COL6A3: variants seen among roughly 807,000 people sequenced by gnomAD.
COL6A3 encodes collagen type VI alpha 3 chain.
COL6A3 carries 137 observed loss-of-function variants against 274.1 expected under a neutral mutation model. The ratio of observed to expected loss-of-function variants is 0.50; its 90% CI spans 0.44 to 0.58. The LOEUF (loss-of-function observed/expected upper bound fraction) is 0.58, where lower values mean the gene tolerates loss of function less well. Among genes scored for constraint, COL6A3 ranks in the 20% least tolerant of loss-of-function variants. COL6A3 has a pLI of 0.00. For missense variants in COL6A3, 3,950 were observed against 4,124.9 expected (o/e 0.96, Z 1.16); for synonymous variants, 1,650 against 1,650.6 (o/e 1.00, Z 0.01).
In COL6A3 at chr2:237,357,363, C is replaced by T; in HGVS notation, c.6566G>A (p.Gly2189Glu). ...ATTCTTCCCAGTTTCTCCAGGTCCT[C>T]CAGGTACTCCATCTCTCCCTGGGAC... The part of the protein sequence containing the change: ...MGVPGRDGVP[G>E]GPGETGKNGG... Residue 2189 changes from glycine (G) to glutamate (E), a missense_variant, in exon 23 of 44, where the codon GGA becomes GAA. Gly to Glu is a moderately conservative substitution (Grantham distance 98). This residue lies in a region of COL6A3 where 1,284 missense variants were observed against 1,349.7 expected (regional missense o/e 0.95). Transcript: ENST00000295550. 1 of 1,614,028 alleles carries T rather than the reference C, an allele frequency of 6.2e-7. No individual in the cohort carries two copies. The highest frequency in any genetic ancestry group is 1.3e-5 in the African/African-American group (1 of 75,056).
chr2:237,352,263 T>G (rs776811689), intron 26 of COL6A3, among the ~76,000 whole-genome samples: 14 of 152,178 alleles, frequency 9.2e-5, no homozygotes, highest in African/African-American at 2.4e-5. Context: ...ATCCCCTGAT[T>G]TCCACCCAGG....
At position 237,372,097 on chromosome 2, in the gene COL6A3, C is replaced by A; in HGVS notation, c.3920G>T (p.Gly1307Val). 6.2e-7 allele frequency: 1 copy of A among 1,614,084 alleles called. No homozygotes were observed. Among genetic ancestry groups the A allele is most frequent in the Non-Finnish European group, 8.5e-7 (1 of 1,180,042 alleles). The change falls in exon 9 of 44, where the codon GGG (glycine) becomes GTG (valine). Residue 1307 changes from glycine to valine, a missense_variant. Physicochemically the swap from Gly to Val is moderately radical, Grantham distance 109 (BLOSUM62 -3). This residue lies in a region of COL6A3 where 1,934 missense variants were observed against 1,984.3 expected (regional missense o/e 0.97). Coordinates refer to ENST00000295550, the MANE Select transcript of COL6A3 (RefSeq NM_004369.4). ...NAVQRLRPKG[G>V]RQINVGNALE... ...GGCATTGCCCACGTTGATCTGCCGC[C>A]CTCCCTTGGGCCTCAGCCGCTGCAC...
chr2:237,369,077 A>G lies in COL6A3; in HGVS notation c.4386T>C (p.Ile1462=). The change falls in exon 10 of 44, where the codon ATT becomes ATC. Residue 1462 remains isoleucine, a synonymous_variant. Coordinates refer to ENST00000295550, the MANE Select transcript of COL6A3 (RefSeq NM_004369.4). ...TGGGGCCGATGTTGAGTCTTCGAAC[A>G]ATCCTGCTAACAAAATCTCGAATAT... ...FAHIRDFVSR[I]VRRLNIGPSK... 1.9e-6 allele frequency: 3 copies of G among 1,614,234 alleles called. No individual in the cohort carries two copies. The highest frequency in any genetic ancestry group is 2.5e-6 in the Non-Finnish European group (3 of 1,180,040).
intron 42 of COL6A3, among the ~76,000 whole-genome samples, chr2:237,332,117 A>ATATATATATATATATATATATGTGTGTG (rs35490728): frequency 1.6e-5 from 1 of 64,168 alleles, no homozygotes; most frequent in African/African-American, 4.8e-5. Flanking sequence ...ATATATATAT[A>ATATATATATATATATATATATGTGTGTG]TGAAAAGAAA....
intron 38 of COL6A3, among the ~76,000 whole-genome samples, chr2:237,340,138 G>A (rs2076953130): frequency 6.6e-6 from 1 of 152,288 alleles, no homozygotes; most frequent in Admixed American, 6.5e-5. Context: ...CGTAATAAAT[G>A]TGCATTTGAT....
intron 3 of COL6A3, among the ~76,000 whole-genome samples, chr2:237,390,291 C>T (rs1467191483): frequency 6.6e-6 from 1 of 152,224 alleles, no homozygotes; most frequent in African/African-American, 2.4e-5. Flanking sequence ...CTTGAACATT[C>T]TCTTGTAAAA....
At position 237,361,617 on chromosome 2, in the gene COL6A3, G is replaced by T. The variant is rs1659983313; in HGVS notation, c.6156+122C>A. ...CTCAGAGCTCCTCCTTCTAACATAAGAAATGGTCTCTCGTCTCCTCCTTCA... is the reference window on the plus strand; with the variant it reads ...CTCAGAGCTCCTCCTTCTAACATAATAAATGGTCTCTCGTCTCCTCCTTCA... On this transcript the variant is annotated intron_variant, in intron 15 of 43. Transcript: ENST00000295550. The surrounding 1 kb of genome is among the most constrained non-coding windows in gnomAD (Gnocchi z 5.1). 2.1e-6 allele frequency: 2 copies of T among 956,406 alleles called. No individual in the cohort carries two copies. Among genetic ancestry groups the T allele is most frequent in the African/African-American group, 1.6e-5 (1 of 62,274 alleles). 59.2% of individuals were successfully genotyped at this position (956,406 alleles called of 1,614,324 possible).
chr2:237,377,531 C>A (rs1476011017), intron 6 of COL6A3, among the ~76,000 whole-genome samples, 187 bp from the exon 7 acceptor site: 2 of 152,128 alleles, frequency 1.3e-5, no homozygotes, highest in Non-Finnish European at 2.9e-5. Context: ...CAAATCAGTG[C>A]ATATTTGCAA....
At chr2:237,342,457 A>C (rs2077007393) in intron 36 of COL6A3, 1 of 397,726 alleles carries the variant, frequency 2.5e-6, no homozygotes, top group Admixed American at 3.7e-5. Context: ...TGGAGGGTTA[A>C]ATTAGATAAT....
intron 4 of COL6A3, chr2:237,386,557 G>A (rs1304970535): frequency 2.0e-5 from 3 of 152,178 alleles, no homozygotes; most frequent in Non-Finnish European, 4.4e-5. Context: ...ATGATAATCA[G>A]AGTCTTATAG....
In COL6A3 at chr2:237,377,265, G is replaced by A. The variant is rs755860601; in HGVS notation, c.2577C>T (p.Leu859=). The A allele has an allele frequency of 1.2e-6, 2 of 1,608,668 alleles. No individual in the cohort carries two copies. The highest frequency in any genetic ancestry group is 1.7e-5 in the Admixed American group (1 of 60,024). The part of the protein sequence containing the change: ...VGQFPVVRDF[L]YKIIDELNVK... ...CATTGAGCTCATCGATAATCTTGTA[G>A]AGAAAGTCACGGACAACAGGGAACT... Residue 859 remains leucine, a synonymous_variant, in exon 7 of 44, where the codon CTC becomes CTT. Coordinates refer to ENST00000295550, the MANE Select transcript of COL6A3 (RefSeq NM_004369.4).
intron 39 of COL6A3, among the ~76,000 whole-genome samples, chr2:237,338,457 T>C (rs532677163): frequency 2.6e-5 from 4 of 152,152 alleles, no homozygotes; most frequent in African/African-American, 7.2e-5. Flanking sequence ...ACCCACAGAA[T>C]TGCAAATTAA....
intron 42 of COL6A3, chr2:237,332,818 A>G (rs928399807): frequency 6.4e-6 from 1 of 155,368 alleles, no homozygotes; most frequent in African/African-American, 2.4e-5. Flanking sequence ...TGAATGAGAG[A>G]TTCCAGGTCT....
At chr2:237,388,997 C>T (rs569995476) in intron 3 of COL6A3, among the ~76,000 whole-genome samples, 2 of 152,232 alleles carry the variant, frequency 1.3e-5, no homozygotes, top group African/African-American at 4.8e-5. Flanking sequence ...GATATGAAAC[C>T]GGTCATGACA....
At position 237,350,200 on chromosome 2, in the gene COL6A3, C is replaced by A. The variant is rs761156771; in HGVS notation, c.6826G>T (p.Gly2276Ter). 1 of 1,613,960 alleles carries A rather than the reference C, an allele frequency of 6.2e-7. No homozygotes were observed. The highest frequency in any genetic ancestry group is 1.3e-5 in the African/African-American group (1 of 74,914). ...ATTCCTCCTTTTGGTCCTGGCTCTC[C>A]GGGCTCACCCTAGACATGAGAAACA... is the stretch of plus-strand genomic sequence containing the variant. The part of the protein sequence containing the change: ...TGPLGRKGEP[G>*]EPGPKGGIGN... Residue 2276 changes from glycine (G) to a stop codon, truncating the protein, a stop_gained, in exon 28 of 44, where the codon GGA becomes TGA. Transcript: ENST00000295550. LOFTEE classifies it high-confidence loss of function.
chr2:237,385,122 G>A (rs945321892), intron 4 of COL6A3, among the ~76,000 whole-genome samples: 3 of 152,140 alleles, frequency 2.0e-5, no homozygotes, highest in African/African-American at 7.2e-5. Flanking sequence ...TCACAGCCCT[G>A]TTGAATGCCC....
At chr2:237,384,261 C>A (rs1028974556) in intron 4 of COL6A3, among the ~76,000 whole-genome samples, 1 of 152,026 alleles carries the variant, frequency 6.6e-6, no homozygotes, top group African/African-American at 2.4e-5. Flanking sequence ...GGGATGCATA[C>A]GCATTTCCTT....
At position 237,379,211 on chromosome 2, in the gene COL6A3, A is replaced by G. The variant is rs921994834; in HGVS notation, c.1922T>C (p.Ile641Thr). The part of the protein sequence containing the change: ...PEVHSNKRDI[I>T]FLLDGSANVG... Reference sequence around the variant, plus strand: ...GTTGGCTGATCCATCCAAAAGAAAGATGATATCCCTTTTGTTTGAGTGAAC... The same window carrying G: ...GTTGGCTGATCCATCCAAAAGAAAGGTGATATCCCTTTTGTTTGAGTGAAC... The change falls in exon 6 of 44, where the codon ATC becomes ACC. Residue 641 changes from isoleucine to threonine, a missense_variant. Ile to Thr is a moderately conservative substitution (Grantham distance 89). Transcript: ENST00000295550. 4 of 1,614,120 alleles carry G rather than the reference A, an allele frequency of 2.5e-6. No homozygotes were observed. The highest frequency in any genetic ancestry group is 2.2e-5 in the East Asian group (1 of 44,906).
intron 1 of COL6A3, among the ~76,000 whole-genome samples, chr2:237,400,006 A>AT (rs950434588): frequency 6.6e-6 from 1 of 152,188 alleles, no homozygotes; most frequent in Non-Finnish European, 1.5e-5. Flanking sequence ...TAATATTGTC[A>AT]TTTTTTCTTA....
Sources: gnomAD v4.1 joint callset for allele counts (sites outside exome capture counted in the v4.1 genomes callset) on GRCh38, gnomAD v4.1.1 for gene constraint, gnomAD v4.1.1 regional missense constraint, Gnocchi (gnomAD v3.1) non-coding constraint, MANE v1.5 for transcripts, NCBI Gene and HGNC (gene_info 2026-07-23, HGNC 2026-07-21) for gene names.